CDK5RAP2: variants seen among roughly 807,000 people sequenced by gnomAD.
CDK5RAP2 encodes the protein CDK5 regulatory subunit-associated protein 2.
A neutral mutation model predicts 232.9 loss-of-function variants in CDK5RAP2; 147 were observed. The ratio of observed to expected loss-of-function variants is 0.63; its 90% CI spans 0.55 to 0.72. CDK5RAP2 has a LOEUF of 0.72. Among genes scored for constraint, CDK5RAP2 ranks in the 30% least tolerant of loss-of-function variants. The pLI is 0.00. For missense variants in CDK5RAP2, 2,195 were observed against 2,231.5 expected (o/e 0.98, Z 0.33); for synonymous variants, 833 against 833.7 (o/e 1.00, Z 0.01).
chr9:120,518,210 T>TGTGTGTGTGACA (rs1554770753), intron 12 of CDK5RAP2, among the ~76,000 whole-genome samples: 1 of 43,934 alleles, frequency 2.3e-5, no homozygotes, highest in Non-Finnish European at 4.9e-5. Context: ...TGTGTGTGTG[T>TGTGTGTGTGACA]GAGAGAGAGA....
chr9:120,441,085 A>G (rs1309972508), intron 23 of CDK5RAP2, among the ~76,000 whole-genome samples: 2 of 152,216 alleles, frequency 1.3e-5, no homozygotes, highest in Non-Finnish European at 2.9e-5. Flanking sequence ...ACTATCCAAG[A>G]GCCTCAGTTT....
chr9:120,415,084 T>G lies in CDK5RAP2; in HGVS notation c.4253A>C (p.Lys1418Thr), dbSNP rs760779944. 5.0e-6 allele frequency: 8 copies of G among 1,614,108 alleles called. No homozygotes were observed. Among genetic ancestry groups the G allele is most frequent in the Non-Finnish European group, 6.8e-6 (8 of 1,180,022 alleles). Reference sequence around the variant, plus strand: ...TTGCCGTTCCAACTGTTTCCGTAGCTTCTCATTTGTTTTAATAGATTCTTC... The same window carrying G: ...TTGCCGTTCCAACTGTTTCCGTAGCGTCTCATTTGTTTTAATAGATTCTTC... ...RLEESIKTNE[K>T]LRKQLERQGS... Residue 1418 changes from lysine to threonine, a missense_variant, in exon 28 of 38, where the codon AAG becomes ACG. Physicochemically the swap from Lys to Thr is moderately conservative, Grantham distance 78. Coordinates refer to ENST00000349780, the MANE Select transcript of CDK5RAP2 (RefSeq NM_018249.6).
At chr9:120,513,380 A>C (rs2040182493) in intron 12 of CDK5RAP2, among the ~76,000 whole-genome samples, 1 of 151,900 alleles carries the variant, frequency 6.6e-6, no homozygotes, top group South Asian at 2.1e-4. Context: ...CCCTGCCTAC[A>C]CCTCAAGTCC....
At chr9:120,412,338 G>A (rs991033292) in intron 28 of CDK5RAP2, among the ~76,000 whole-genome samples, 2 of 152,130 alleles carry the variant, frequency 1.3e-5, no homozygotes, top group African/African-American at 2.4e-5. Flanking sequence ...CACTCACTGA[G>A]TCCACTTACT....
At chr9:120,453,223 TTAGA>T (rs1015377532) in intron 21 of CDK5RAP2, among the ~76,000 whole-genome samples, 3 of 151,790 alleles carry the variant, frequency 2.0e-5, no homozygotes, top group African/African-American at 7.3e-5. Flanking sequence ...TATAGATAAA[TTAGA>T]TAGGGCTGAG....
Position 120,467,897 on chromosome 9 carries a change from C to T in CDK5RAP2, c.2069G>A (p.Gly690Glu). 6.2e-7 allele frequency: 1 copy of T among 1,614,158 alleles called. No homozygotes were observed. The highest frequency in any genetic ancestry group is 1.1e-5 in the South Asian group (1 of 91,086). Residue 690 changes from glycine (G) to glutamate (E), a missense_variant, in exon 18 of 38, where the codon GGG becomes GAG. By Grantham distance (98) the Gly-to-Glu change is moderately conservative. Coordinates refer to ENST00000349780, the MANE Select transcript of CDK5RAP2 (RefSeq NM_018249.6). ...TGTAGACGCAAGTCTATCTGGAAAC[C>T]CATTTCCCTGGAAACCCATGCAGGA... Reference protein sequence around the residue: ...DLSCMGFQGNGFPDRLASTEQ... With the variant: ...DLSCMGFQGNEFPDRLASTEQ...
intron 2 of CDK5RAP2, among the ~76,000 whole-genome samples, chr9:120,571,049 C>G (rs1307337480): frequency 6.6e-6 from 1 of 152,008 alleles, no homozygotes; most frequent in African/African-American, 2.4e-5. Context: ...GTCCCAGATA[C>G]TAGGGAGACT....
At chr9:120,401,840 C>T (rs983001274) in intron 34 of CDK5RAP2, among the ~76,000 whole-genome samples, 19 of 151,794 alleles carry the variant, frequency 1.3e-4, no homozygotes, top group Admixed American at 6.6e-4. Context: ...AAAAATCAGC[C>T]GGGCATGGTG....
chr9:120,518,031 A>C, intron 12 of CDK5RAP2: 1 of 249,258 alleles, frequency 4.0e-6, no homozygotes, highest in Non-Finnish European at 8.2e-6. Context: ...TAATACATCC[A>C]AGTGATGAAA....
chr9:120,534,403 T>C (rs1300521514), intron 7 of CDK5RAP2, among the ~76,000 whole-genome samples: 1 of 152,156 alleles, frequency 6.6e-6, no homozygotes, highest in Non-Finnish European at 1.5e-5. Flanking sequence ...GAATTAGATA[T>C]ATGTTAACCC....
At chr9:120,545,898 AAT>A in intron 4 of CDK5RAP2, 108 bp from the exon 5 acceptor site, 1 of 861,082 alleles carries the variant, frequency 1.2e-6, no homozygotes, top group Non-Finnish European at 1.9e-6. Flanking sequence ...GGATGCTTGT[AAT>A]AGGCAGATGT....
At chr9:120,440,379 T>G in intron 23 of CDK5RAP2, 2 of 272,260 alleles carry the variant, frequency 7.3e-6, no homozygotes, top group Non-Finnish European at 1.4e-5. Context: ...TTAACCATGA[T>G]TCCCTGCACA....
intron 5 of CDK5RAP2, among the ~76,000 whole-genome samples, chr9:120,539,471 C>T (rs986970741): frequency 1.3e-5 from 2 of 152,278 alleles, no homozygotes; most frequent in Admixed American, 6.5e-5. Flanking sequence ...ATACTACGAA[C>T]ATTCTTTTGT....
chr9:120,446,018 T>C (rs779107175), intron 22 of CDK5RAP2, among the ~76,000 whole-genome samples: 1 of 152,172 alleles, frequency 6.6e-6, no homozygotes, highest in Non-Finnish European at 1.5e-5. Flanking sequence ...CAAAGGTTCA[T>C]ATCCAAAGTG....
chr9:120,552,267 T>C (rs1448459044), intron 3 of CDK5RAP2, among the ~76,000 whole-genome samples: 5 of 151,886 alleles, frequency 3.3e-5, no homozygotes, highest in African/African-American at 9.7e-5. Context: ...AGTTCAACCA[T>C]TGTGGAAGTC....
chr9:120,518,281 A>C lies in CDK5RAP2; in HGVS notation c.1311+146T>G, dbSNP rs916115583. 1.2e-5 allele frequency: 8 copies of C among 692,972 alleles called. No homozygotes were observed. The African/African-American group carries it at 1.5e-4, about 13-fold the overall frequency. The allele number at this position is 692,972 out of a possible 1,614,324, so 42.9% of individuals were successfully genotyped here. A position where few individuals can be genotyped will look rare whatever the true frequency, so the allele number is the denominator to read the frequency against. ...AAGGACTGAAATACCAAATAGATCA[A>C]ATGAAGCTGGTCATTTCTAGGTACT... is the stretch of plus-strand genomic sequence containing the variant. On this transcript the variant is annotated intron_variant, in intron 12 of 37. Coordinates refer to ENST00000349780, the MANE Select transcript of CDK5RAP2 (RefSeq NM_018249.6).
intron 32 of CDK5RAP2, among the ~76,000 whole-genome samples, chr9:120,404,735 T>G (rs150799475): frequency 6.6e-6 from 1 of 152,218 alleles, no homozygotes; most frequent in East Asian, 1.9e-4. Context: ...AAAGAGTAAG[T>G]CTGGAGGCTG....
Position 120,409,127 on chromosome 9 carries a change from C to T in CDK5RAP2, c.4604G>A (p.Arg1535Lys). 6.2e-7 allele frequency: 1 copy of T among 1,611,310 alleles called. No homozygotes were observed. Among genetic ancestry groups the T allele is most frequent in the Non-Finnish European group, 8.5e-7 (1 of 1,179,928 alleles). Residue 1535 changes from arginine to lysine, a missense_variant and splice_region_variant, in exon 30 of 38, where the codon AGG becomes AAG. Physicochemically the swap from Arg to Lys is conservative, Grantham distance 26. Transcript: ENST00000349780. ...EVRCSGQELS[R>K]VQEEVKLRQQ... ...GCCACCAGGGAAGCACAGCCACTAC[C>T]TGCTCAGCTCCTGGCCGCTGCAGCG...
chr9:120,555,138 G>T (rs1564373010), intron 3 of CDK5RAP2, among the ~76,000 whole-genome samples: 1 of 150,572 alleles, frequency 6.6e-6, no homozygotes, highest in Non-Finnish European at 1.5e-5. Context: ...ATTTTTTTGG[G>T]GGGGGGTGGG....
Sources: allele counts gnomAD v4.1 joint callset (sites outside exome capture counted in the v4.1 genomes callset), GRCh38; gene constraint gnomAD v4.1.1; transcripts MANE v1.5; gene names NCBI Gene and HGNC (gene_info 2026-07-23, HGNC 2026-07-21).